ROS1: variants seen among roughly 807,000 people sequenced by gnomAD.
ROS1 encodes the protein ROS proto-oncogene 1, receptor tyrosine kinase.
In ROS1, 263 loss-of-function variants were observed where a neutral mutation model predicts 273.5. The ratio of observed to expected loss-of-function variants is 0.96; its 90% confidence interval spans 0.87 to 1.06. ROS1 has a LOEUF of 1.06. ROS1 is among the 50% of genes least tolerant of loss of function. ROS1 has a pLI of 0.00. For missense variants in ROS1, 2,833 were observed against 2,751.1 expected (o/e 1.03, Z -0.67); for synonymous variants, 1,008 against 954.1 (o/e 1.06, Z -1.04).
At chr6:117,322,832 T>C (rs996696191) in intron 35 of ROS1, among the ~76,000 whole-genome samples, 55 of 152,298 alleles carry the variant, frequency 3.6e-4, no homozygotes, top group Middle Eastern at 3.4e-3. Context: ...CAAAAATTCG[T>C]GAATTTCAAA....
At chr6:117,399,231 T>C (rs753010497) in intron 7 of ROS1, among the ~76,000 whole-genome samples, 9 of 152,236 alleles carry the variant, frequency 5.9e-5, no homozygotes, top group Non-Finnish European at 1.3e-4. Flanking sequence ...TTCATTATTT[T>C]GATTTGCCCA....
At chr6:117,382,520 T>C (rs1772236873) in intron 17 of ROS1, among the ~76,000 whole-genome samples, 1 of 152,196 alleles carries the variant, frequency 6.6e-6, no homozygotes, top group Admixed American at 6.5e-5. Context: ...TTATTCTTAA[T>C]GCATTTCTGC....
chr6:117,401,745 C>T (rs764715375), intron 7 of ROS1, among the ~76,000 whole-genome samples: 6 of 141,716 alleles, frequency 4.2e-5, no homozygotes, highest in South Asian at 2.2e-4. Flanking sequence ...GAAAAAAGTG[C>T]GCAATCTTCC....
intron 4 of ROS1, among the ~76,000 whole-genome samples, chr6:117,412,424 C>T (rs1050117007): frequency 6.6e-5 from 10 of 152,068 alleles, no homozygotes; most frequent in Admixed American, 5.9e-4. Flanking sequence ...CACTAGCCAT[C>T]GTCATTTTCC....
intron 18 of ROS1, among the ~76,000 whole-genome samples, chr6:117,370,501 C>T (rs1780683267): frequency 6.6e-6 from 1 of 152,072 alleles, no homozygotes; most frequent in African/African-American, 2.4e-5. Flanking sequence ...GTTCTAATGA[C>T]TTTATAACCT....
intron 40 of ROS1, 69 bp from the exon 41 acceptor site, chr6:117,310,350 G>T: frequency 8.8e-7 from 1 of 1,132,728 alleles, no homozygotes; most frequent in Non-Finnish European, 1.3e-6. Context: ...CAAAGAAGTA[G>T]CCCTAGTAGG....
intron 32 of ROS1, among the ~76,000 whole-genome samples, chr6:117,332,043 G>A (rs1188928211): frequency 6.6e-6 from 1 of 151,980 alleles, no homozygotes; most frequent in African/African-American, 2.4e-5. Flanking sequence ...ATACAGACTG[G>A]CAAATTGGAT....
At chr6:117,313,801 G>A (rs949050313) in intron 39 of ROS1, among the ~76,000 whole-genome samples, 2 of 152,114 alleles carry the variant, frequency 1.3e-5, no homozygotes, top group Non-Finnish European at 2.9e-5. Flanking sequence ...ACTCCATGTG[G>A]GGAGAGGCTG....
intron 35 of ROS1, among the ~76,000 whole-genome samples, chr6:117,321,869 A>G (rs933680025): frequency 5.2e-4 from 57 of 109,176 alleles, no homozygotes; most frequent in African/African-American, 2.0e-3. Context: ...AAGAGTGTTT[A>G]TCATTGTTGT....
chr6:117,326,640 T>G lies in ROS1; in HGVS notation c.5349-226A>C, dbSNP rs1056749767. ...TTAACTCAGCCCACCAAGAAAACTGTGAGTAATCAGTGGTGAAGAGAGAGC... is the reference window on the plus strand; with the variant it reads ...TTAACTCAGCCCACCAAGAAAACTGGGAGTAATCAGTGGTGAAGAGAGAGC... On this transcript the variant is annotated intron_variant, in intron 33 of 43. Coordinates refer to ENST00000368507, the MANE Select transcript of ROS1 (RefSeq NM_001378902.1). Among the ~76,000 whole-genome samples, 4 of 151,762 alleles carry G rather than the reference T, an allele frequency of 2.6e-5. No individual in the cohort carries two copies. In the East Asian group the frequency reaches 7.7e-4, roughly 29 times the overall value.
chr6:117,401,575 T>C (rs1773933715), intron 7 of ROS1, among the ~76,000 whole-genome samples: 1 of 152,080 alleles, frequency 6.6e-6, no homozygotes, highest in Non-Finnish European at 1.5e-5. Flanking sequence ...ATGCTATTCA[T>C]TGGGTCTTCC....
intron 2 of ROS1, among the ~76,000 whole-genome samples, chr6:117,417,061 C>A (rs565398040): frequency 1.3e-5 from 2 of 152,170 alleles, no homozygotes; most frequent in African/African-American, 2.4e-5. Flanking sequence ...CGAGTTCATC[C>A]CCTACCTCAG....
intron 16 of ROS1, among the ~76,000 whole-genome samples, chr6:117,383,837 C>T (rs1772353532): frequency 6.6e-6 from 1 of 152,182 alleles, no homozygotes; most frequent in South Asian, 2.1e-4. Context: ...TTTGATTAGA[C>T]TCCCGAAAAA....
At chr6:117,360,234 G>T in intron 23 of ROS1, 108 bp downstream of exon 23, 1 of 892,776 alleles carries the variant, frequency 1.1e-6, no homozygotes. Flanking sequence ...CTAAACTTTA[G>T]CAAAGAGACA....
At chr6:117,371,896 C>G (rs984355240) in intron 18 of ROS1, among the ~76,000 whole-genome samples, 2 of 152,316 alleles carry the variant, frequency 1.3e-5, no homozygotes, top group African/African-American at 4.8e-5. Context: ...CCATCCCCTA[C>G]AGCAGCCACA....
At position 117,311,047 on chromosome 6, in the gene ROS1, T is replaced by C. The variant is rs1190220728; in HGVS notation, c.6188A>G (p.Tyr2063Cys). ...LCVDISKGCV[Y>C]LERMHFIHRD... ...GTGAATGAAATGCATCCGTTCCAAG[T>C]AGACACAGCCTTTTGAAATATCTAC... The change falls in exon 40 of 44, where the codon TAC becomes TGC. Residue 2063 changes from tyrosine (Y) to cysteine (C), a missense_variant. By Grantham distance (194) the Tyr-to-Cys change is radical (BLOSUM62 -2). Coordinates refer to ENST00000368507, the MANE Select transcript of ROS1 (RefSeq NM_001378902.1). 1 of 1,609,860 alleles carries C rather than the reference T, an allele frequency of 6.2e-7. No homozygotes were observed.
intron 42 of ROS1, among the ~76,000 whole-genome samples, chr6:117,303,216 G>A (rs1370764416): frequency 2.0e-5 from 3 of 152,272 alleles, no homozygotes; most frequent in African/African-American, 7.2e-5. Flanking sequence ...GGATCAGGGA[G>A]AGAGAACTGA....
chr6:117,399,121 A>G (rs1452527232), intron 7 of ROS1, among the ~76,000 whole-genome samples: 1 of 152,242 alleles, frequency 6.6e-6, no homozygotes, highest in Non-Finnish European at 1.5e-5. Flanking sequence ...ATGAGATGCT[A>G]TCCATAAGAA....
At chr6:117,395,057 T>C (rs1182496140) in intron 9 of ROS1, among the ~76,000 whole-genome samples, 1 of 152,168 alleles carries the variant, frequency 6.6e-6, no homozygotes, top group Non-Finnish European at 1.5e-5. Context: ...GCCATGAGAA[T>C]TGGCTCGGTG....
Sources: gnomAD v4.1 joint callset for allele counts (sites outside exome capture counted in the v4.1 genomes callset) on GRCh38, gnomAD v4.1.1 for gene constraint, MANE v1.5 for transcripts, NCBI Gene and HGNC (gene_info 2026-07-23, HGNC 2026-07-21) for gene names.